Variants in GRID2 observed in about 807,000 individuals in gnomAD.
GRID2 encodes the protein glutamate receptor ionotropic, delta-2.
A neutral mutation model predicts 114.8 loss-of-function variants in GRID2; 33 were observed. The observed-to-expected ratio is 0.29, with a 90% CI of 0.22 to 0.38. GRID2 has a LOEUF of 0.38. Among genes scored for constraint, GRID2 ranks in the 10% least tolerant of loss-of-function variants. GRID2 has a pLI of 1.00. For missense variants in GRID2, 1,184 were observed against 1,257.7 expected (o/e 0.94, Z 0.89); for synonymous variants, 505 against 449.9 (o/e 1.12, Z -1.55).
chr4:92,621,913 AAG>A (rs1263563777), intron 2 of GRID2, among the ~76,000 whole-genome samples: 1 of 151,862 alleles, frequency 6.6e-6, no homozygotes, highest in Non-Finnish European at 1.5e-5. Flanking sequence ...AAAAAATTCG[AAG>A]AGAGAGAGAT....
intron 1 of GRID2, among the ~76,000 whole-genome samples, chr4:92,335,996 G>T (rs1727142311): frequency 6.6e-6 from 1 of 152,102 alleles, no homozygotes; most frequent in African/African-American, 2.4e-5. Context: ...AAATTAAATT[G>T]CTGCATAATT....
At chr4:93,128,528 A>G (rs62308215) in intron 4 of GRID2, among the ~76,000 whole-genome samples, 12,184 of 152,256 alleles carry the variant, frequency 0.08, 769 homozygotes, top group African/African-American at 0.17. Context: ...CAAAAGAGAA[A>G]TGTTAATGGT....
At chr4:92,931,751 A>G (rs77775940) in intron 2 of GRID2, among the ~76,000 whole-genome samples, 2,381 of 151,158 alleles carry the variant, frequency 0.016, 26 homozygotes, top group Non-Finnish European at 0.025. Context: ...GCTTCTAGTA[A>G]TAAAGTCATG....
At chr4:93,173,418 G>A (rs1739039544) in intron 4 of GRID2, among the ~76,000 whole-genome samples, 2 of 151,868 alleles carry the variant, frequency 1.3e-5, no homozygotes, top group Non-Finnish European at 2.9e-5. Flanking sequence ...AGGACAGGAA[G>A]GAAGGAAGGA....
chr4:93,280,011 C>T (rs1752486880), intron 8 of GRID2, among the ~76,000 whole-genome samples: 1 of 151,842 alleles, frequency 6.6e-6, no homozygotes, highest in East Asian at 1.9e-4. Context: ...CTTAGAGAAG[C>T]ACTAATGTTT....
chr4:93,556,045 A>G (rs1418569561), intron 13 of GRID2, among the ~76,000 whole-genome samples: 1 of 152,222 alleles, frequency 6.6e-6, no homozygotes, highest in Non-Finnish European at 1.5e-5. Context: ...ACTAACAAAC[A>G]GAAAAGAATA....
intron 2 of GRID2, among the ~76,000 whole-genome samples, chr4:93,055,195 A>G (rs921494619): frequency 1.3e-5 from 2 of 151,862 alleles, no homozygotes; most frequent in Non-Finnish European, 2.9e-5. Context: ...TCTGCAAAGT[A>G]AAGTGTAGGT....
intron 8 of GRID2, among the ~76,000 whole-genome samples, chr4:93,356,757 C>T (rs1761375198): frequency 6.6e-6 from 1 of 151,696 alleles, no homozygotes; most frequent in East Asian, 1.9e-4. Context: ...ATTTCTATAA[C>T]TTTGATACAT....
At chr4:92,500,245 C>T (rs1346713171) in intron 1 of GRID2, among the ~76,000 whole-genome samples, 1 of 151,944 alleles carries the variant, frequency 6.6e-6, no homozygotes, top group African/African-American at 2.4e-5. Context: ...TGTTTTCACA[C>T]TTTAAAAAAT....
intron 14 of GRID2, among the ~76,000 whole-genome samples, chr4:93,724,028 C>T (rs568124112): frequency 9.2e-5 from 14 of 152,234 alleles, no homozygotes; most frequent in African/African-American, 1.7e-4. Flanking sequence ...TCCTCCTTGA[C>T]GAGGGTGGTT....
chr4:93,007,285 T>C (rs543839033), intron 2 of GRID2, among the ~76,000 whole-genome samples: 1 of 152,022 alleles, frequency 6.6e-6, no homozygotes, highest in Non-Finnish European at 1.5e-5. Context: ...TGTTGAAAAG[T>C]CACATTTTGG....
chr4:93,461,494 A>G (rs146961020), intron 11 of GRID2, among the ~76,000 whole-genome samples: 196 of 152,274 alleles, frequency 1.3e-3, no homozygotes, highest in African/African-American at 3.7e-3. Context: ...TACCAGATTG[A>G]ATAGGGATAA....
chr4:93,298,878 C>T (rs1022870649), intron 8 of GRID2, among the ~76,000 whole-genome samples: 4 of 152,192 alleles, frequency 2.6e-5, no homozygotes, highest in Non-Finnish European at 5.9e-5. Context: ...TTTTGCTCAT[C>T]ATTTTATCTT....
intron 1 of GRID2, among the ~76,000 whole-genome samples, chr4:92,353,200 T>A (rs1172098915): frequency 1.3e-5 from 2 of 151,846 alleles, no homozygotes; most frequent in African/African-American, 4.8e-5. Context: ...TCTTTACTTT[T>A]AGTTTTGTTT....
At chr4:93,331,000 C>G (rs1040507354) in intron 8 of GRID2, among the ~76,000 whole-genome samples, 1 of 152,032 alleles carries the variant, frequency 6.6e-6, no homozygotes, top group South Asian at 2.1e-4. Flanking sequence ...GTAGGAGTAG[C>G]CAGAAAAATT....
chr4:93,534,631 A>G (rs887368105), intron 13 of GRID2, among the ~76,000 whole-genome samples: 1 of 152,156 alleles, frequency 6.6e-6, no homozygotes, highest in African/African-American at 2.4e-5. Flanking sequence ...GGCCCCCAAA[A>G]TAACCCCCAA....
At position 93,494,410 on chromosome 4, in the gene GRID2, G is replaced by C. The variant is rs80352384; in HGVS notation, c.1997+3633G>C. 8.7e-3 allele frequency among the ~76,000 whole-genome samples: 1,325 copies of C among 151,696 alleles called. 26 individuals are homozygous for C. Among genetic ancestry groups the C allele is most frequent in the African/African-American group, 0.029 (1,212 of 41,438 alleles). ...GAGAAATCAGCTTCTTTGAATTGAT[G>C]GTTGACAGAAACTCTTCCACTTTGC... On this transcript the variant is annotated intron_variant, in intron 12 of 15. Transcript: ENST00000282020.
At chr4:92,778,879 T>C (rs1437606926) in intron 2 of GRID2, among the ~76,000 whole-genome samples, 1 of 152,112 alleles carries the variant, frequency 6.6e-6, no homozygotes, top group Admixed American at 6.6e-5. Context: ...TAATCTATTA[T>C]AACTCTTTAT....
At chr4:92,944,412 G>T (rs1207319592) in intron 2 of GRID2, among the ~76,000 whole-genome samples, 2 of 152,224 alleles carry the variant, frequency 1.3e-5, no homozygotes. Flanking sequence ...TGTTTGCTAA[G>T]ACAGTTGGAA....
Sources: gnomAD v4.1 joint callset for allele counts (sites outside exome capture counted in the v4.1 genomes callset) on GRCh38, gnomAD v4.1.1 for gene constraint, MANE v1.5 for transcripts, NCBI Gene and HGNC (gene_info 2026-07-23, HGNC 2026-07-21) for gene names.